PPP4R3B: variants seen among roughly 807,000 people sequenced by gnomAD.
PPP4R3B encodes the protein protein phosphatase 4 regulatory subunit 3B.
A neutral mutation model predicts 95.4 loss-of-function variants in PPP4R3B; 52 were observed. The ratio of observed to expected loss-of-function variants is 0.54; its 90% CI spans 0.44 to 0.69. The LOEUF is 0.69. PPP4R3B is among the 30% of genes least tolerant of loss of function. The pLI, the probability that PPP4R3B is intolerant of heterozygous loss-of-function variation, is 0.00. For missense variants in PPP4R3B, 1,003 were observed against 1,005.9 expected, an observed-to-expected ratio of 1.00 and a Z score of 0.04; for synonymous variants, 407 against 343.9, an observed-to-expected ratio of 1.18 and a Z score of -2.03.
chr2:55,560,073 G>T (rs1686391558), intron 15 of PPP4R3B, among the ~76,000 whole-genome samples: 1 of 152,182 alleles, frequency 6.6e-6, no homozygotes, highest in African/African-American at 2.4e-5. Flanking sequence ...AGTGAGCTGA[G>T]ATTGTGCCAC....
chr2:55,563,981 T>G (rs1686960966), intron 15 of PPP4R3B, among the ~76,000 whole-genome samples: 1 of 151,986 alleles, frequency 6.6e-6, no homozygotes. Flanking sequence ...AAGGTTTCTA[T>G]GAAGCTATAT....
intron 7 of PPP4R3B, among the ~76,000 whole-genome samples, chr2:55,583,369 GA>G (rs879281766): frequency 2.0e-5 from 3 of 149,176 alleles, no homozygotes; most frequent in Admixed American, 6.7e-5. Context: ...GTTGTTATAA[GA>G]AAAAAAAACA....
intron 10 of PPP4R3B, among the ~76,000 whole-genome samples, chr2:55,577,816 A>T (rs930278822): frequency 3.4e-5 from 5 of 149,188 alleles, no homozygotes; most frequent in African/African-American, 1.2e-4. Flanking sequence ...GCTTTAAATT[A>T]AAAAAAAAAC....
intron 12 of PPP4R3B, among the ~76,000 whole-genome samples, chr2:55,571,232 A>T (rs7574398): frequency 6.6e-6 from 1 of 151,738 alleles, no homozygotes; most frequent in South Asian, 2.1e-4. Flanking sequence ...ATCACTTGAA[A>T]CCGGGAAGCA....
chr2:55,559,259 T>C (rs979986568), intron 15 of PPP4R3B, among the ~76,000 whole-genome samples: 1 of 151,702 alleles, frequency 6.6e-6, no homozygotes, highest in African/African-American at 2.4e-5. Context: ...GGCAGGAGAA[T>C]CACTTGAACC....
Position 55,574,743 on chromosome 2 carries a change from G to A in PPP4R3B, c.1607-966C>T, listed in dbSNP as rs548173089. Among the ~76,000 whole-genome samples, 46 of 151,254 alleles carry A rather than the reference G, an allele frequency of 3.0e-4. 1 individual carries two copies. Among genetic ancestry groups the A allele is most frequent in the African/African-American group, 9.2e-4 (38 of 41,230 alleles). On this transcript the variant is annotated intron_variant, in intron 11 of 16. Coordinates refer to ENST00000616407, the MANE Select transcript of PPP4R3B (RefSeq NM_001122964.3). ...CGAGTAGATGGGACTACAGGCACCCGCCACCATGCCCAGCTAATTTTTTTG... is the reference window on the plus strand; with the variant it reads ...CGAGTAGATGGGACTACAGGCACCCACCACCATGCCCAGCTAATTTTTTTG...
intron 16 of PPP4R3B, among the ~76,000 whole-genome samples, chr2:55,550,889 T>A (rs1685169106): frequency 6.6e-6 from 1 of 152,198 alleles, no homozygotes; most frequent in South Asian, 2.1e-4. Flanking sequence ...TAGAAACAGT[T>A]ATCAGAAAGA....
chr2:55,567,916 G>T (rs892029725), intron 13 of PPP4R3B: 3 of 177,870 alleles, frequency 1.7e-5, no homozygotes, highest in Non-Finnish European at 3.5e-5. Context: ...AGACTATGCT[G>T]AATTTCACTT....
At chr2:55,606,301 T>A (rs1042247152) in intron 2 of PPP4R3B, among the ~76,000 whole-genome samples, 1 of 152,188 alleles carries the variant, frequency 6.6e-6, no homozygotes, top group African/African-American at 2.4e-5. Flanking sequence ...TGAACTGTAA[T>A]GGCTCCGTAT....
chr2:55,590,063 C>T (rs1690786300), intron 4 of PPP4R3B, among the ~76,000 whole-genome samples: 1 of 149,038 alleles, frequency 6.7e-6, no homozygotes, highest in African/African-American at 2.5e-5. Context: ...TGTGGTGGCT[C>T]ATGCGTGTAA....
At chr2:55,611,038 A>AT (rs1249235963) in intron 2 of PPP4R3B, among the ~76,000 whole-genome samples, 1 of 151,796 alleles carries the variant, frequency 6.6e-6, no homozygotes, top group Non-Finnish European at 1.5e-5. Context: ...GCTAATTTAT[A>AT]TTTTTTGCAG....
chr2:55,598,794 A>T lies in PPP4R3B; in HGVS notation c.543T>A (p.Ala181=). 1 of 1,614,230 alleles carries T rather than the reference A, an allele frequency of 6.2e-7. No individual in the cohort carries two copies. Among genetic ancestry groups the T allele is most frequent in the Non-Finnish European group, 8.5e-7 (1 of 1,180,042 alleles). ...YIKKLLQLFQ[A]CENLENTEGL... is the part of the protein sequence containing the mutation. ...CTTCAGTGTTTTCTAGGTTCTCGCA[A>T]GCTTGGAACAGCTGCAATAGTTTTT... Residue 181 remains alanine, a synonymous_variant, in exon 4 of 17, where the codon GCT becomes GCA. Coordinates refer to ENST00000616407, the MANE Select transcript of PPP4R3B (RefSeq NM_001122964.3).
chr2:55,564,753 TA>T (rs1237604339), intron 14 of PPP4R3B, 148 bp downstream of exon 14: 7 of 849,574 alleles, frequency 8.2e-6, no homozygotes, highest in Admixed American at 6.2e-5. Context: ...TGATATGGGG[TA>T]GGGGGGACGC....
At chr2:55,569,250 C>A (rs1313545945) in intron 12 of PPP4R3B, among the ~76,000 whole-genome samples, 1 of 152,090 alleles carries the variant, frequency 6.6e-6, no homozygotes, top group Non-Finnish European at 1.5e-5. Context: ...GCCAAGCAGA[C>A]CATGGTCTAG....
rs1177302384 is a variant in PPP4R3B at position 55,604,071 on chromosome 2, T to C, written c.204A>G (p.Thr68=). ...PNTAYQKQQD[T]LIVWSEAENY... is the part of the protein sequence containing the mutation. The stretch of plus-strand genomic sequence containing the variant: ...TCTCTGCTTCTGACCAAACAATTAA[T>C]GTATCCTGTTTAAAAATAAATATTT... Residue 68 remains threonine, a synonymous_variant, in exon 3 of 17, where the codon ACA becomes ACG. Coordinates refer to ENST00000616407, the MANE Select transcript of PPP4R3B (RefSeq NM_001122964.3). 1 of 1,600,146 alleles carries C rather than the reference T, an allele frequency of 6.2e-7. No homozygotes were observed.
intron 11 of PPP4R3B, 119 bp downstream of exon 11, chr2:55,577,196 C>T (rs925820095): frequency 1.0e-5 from 13 of 1,255,400 alleles, no homozygotes. Flanking sequence ...TAAATTTCTT[C>T]TTGGATTTTG....
intron 2 of PPP4R3B, among the ~76,000 whole-genome samples, chr2:55,609,568 G>A (rs1693877077): frequency 6.6e-6 from 1 of 151,440 alleles, no homozygotes; most frequent in African/African-American, 2.4e-5. Context: ...AGCTACTCAG[G>A]AGGCTGAGGT....
chr2:55,602,734 C>G (rs559967003), intron 3 of PPP4R3B, among the ~76,000 whole-genome samples: 8 of 152,128 alleles, frequency 5.3e-5, no homozygotes, highest in African/African-American at 1.7e-4. Context: ...GAAGCTCAAG[C>G]CTGAAACTCT....
chr2:55,616,934 A>G (rs927378394), intron 1 of PPP4R3B, among the ~76,000 whole-genome samples: 73 of 152,022 alleles, frequency 4.8e-4, no homozygotes, highest in African/African-American at 1.5e-3. Context: ...CCAATCCTTA[A>G]GAGAGATGGG....
Sources: allele counts gnomAD v4.1 joint callset (sites outside exome capture counted in the v4.1 genomes callset), GRCh38; gene constraint gnomAD v4.1.1; transcripts MANE v1.5; gene names NCBI Gene and HGNC (gene_info 2026-07-23, HGNC 2026-07-21).